The following BMP7 variants were observed in gnomAD, a reference collection of about 807,000 sequenced individuals.
BMP7 encodes bone morphogenetic protein 7, also known as osteogenic protein 1.
Under a neutral mutation model 41.2 loss-of-function variants are expected in BMP7, and 12 were observed. That is an observed-to-expected ratio of 0.29 (90% CI 0.19 to 0.47). The LOEUF is 0.47. Among genes scored for constraint, BMP7 ranks in the 20% least tolerant of loss-of-function variants. BMP7 has a pLI of 0.99. For missense variants in BMP7, 467 were observed against 606.0 expected, an observed-to-expected ratio of 0.77 and a Z score of 2.41; for synonymous variants, 248 against 250.0, an observed-to-expected ratio of 0.99 and a Z score of 0.07.
chr20:57,182,365 G>T (rs1256494542), intron 4 of BMP7, among the ~76,000 whole-genome samples: 3 of 152,208 alleles, frequency 2.0e-5, no homozygotes, highest in African/African-American at 7.2e-5. Flanking sequence ...GGCCACCAGA[G>T]GCTGTCAATG....
chr20:57,256,381 A>G (rs1007541853), intron 1 of BMP7, among the ~76,000 whole-genome samples: 2 of 152,186 alleles, frequency 1.3e-5, no homozygotes, highest in Non-Finnish European at 2.9e-5. Context: ...CACTTCAATC[A>G]TGATAGCGTG....
At chr20:57,233,783 G>A (rs1426971483) in intron 1 of BMP7, among the ~76,000 whole-genome samples, 5 of 152,316 alleles carry the variant, frequency 3.3e-5, no homozygotes, top group African/African-American at 1.2e-4. Context: ...GACTTGCAAA[G>A]GGCAGCTGGT....
At chr20:57,185,275 G>T (rs1442384625) in intron 3 of BMP7, among the ~76,000 whole-genome samples, 2 of 152,248 alleles carry the variant, frequency 1.3e-5, no homozygotes, top group African/African-American at 4.8e-5. Flanking sequence ...TAGATTCACA[G>T]GAAGTTGAAA....
chr20:57,253,804 A>C (rs2066123279), intron 1 of BMP7, among the ~76,000 whole-genome samples: 1 of 152,228 alleles, frequency 6.6e-6, no homozygotes, highest in African/African-American at 2.4e-5. Context: ...GCTAGTACAG[A>C]GAATACTTGA....
chr20:57,259,909 C>T lies in BMP7; in HGVS notation c.418+5796G>A, dbSNP rs375250609. On this transcript the variant is annotated intron_variant, in intron 1 of 6. Transcript: ENST00000395863. This position sits in a 1 kb window ranked among gnomAD's most constrained non-coding sequence, Gnocchi z 4.7. ...ACTATCTGTTCCATATTAAGAAATACCAAGTCACATTTTTTGTCAATTATT... is the reference window on the plus strand; with the variant it reads ...ACTATCTGTTCCATATTAAGAAATATCAAGTCACATTTTTTGTCAATTATT... 6.6e-6 allele frequency among the ~76,000 whole-genome samples: 1 copy of T among 152,170 alleles called. No individual in the cohort carries two copies. The highest frequency in any genetic ancestry group is 2.1e-4 in the South Asian group (1 of 4,810).
chr20:57,212,283 C>T (rs902822551), intron 2 of BMP7, among the ~76,000 whole-genome samples: 1 of 152,148 alleles, frequency 6.6e-6, no homozygotes, highest in Non-Finnish European at 1.5e-5. Flanking sequence ...AAAGCGTTCC[C>T]GGCAGAGAGA....
intron 1 of BMP7, among the ~76,000 whole-genome samples, chr20:57,253,000 A>G (rs1166178669): frequency 1.3e-5 from 2 of 152,186 alleles, no homozygotes; most frequent in African/African-American, 4.8e-5. Flanking sequence ...AAACATACCA[A>G]TAGTGCCCAG....
At chr20:57,220,870 AT>A (rs1408378473) in intron 2 of BMP7, among the ~76,000 whole-genome samples, 1 of 152,198 alleles carries the variant, frequency 6.6e-6, no homozygotes, top group Non-Finnish European at 1.5e-5. Flanking sequence ...ACATTGGAGC[AT>A]TTGGTAGGAC....
chr20:57,190,436 TGAGGCTGGAGAGCGTGAGTGAGGAGCC>T, intron 3 of BMP7, among the ~76,000 whole-genome samples: 1 of 110,438 alleles, frequency 9.1e-6, no homozygotes, highest in Non-Finnish European at 1.9e-5. Context: ...CCCGAGGGGG[TGAGGCTGGAGAGCGTGAGTGAGGAGCC>T]CGAGGGGGTG....
In BMP7 at chr20:57,170,557, G is replaced by C. The variant is rs529923338; in HGVS notation, c.*402C>G. On this transcript the variant is annotated 3_prime_UTR_variant, in exon 7 of 7. Coordinates refer to ENST00000395863, the MANE Select transcript of BMP7 (RefSeq NM_001719.3). ...GAACTTCCGGGTCAATTTTCCTTTC[G>C]CACAGACACCAATGTGCCCACCCCT... The C allele has an allele frequency of 3.6e-6, 1 of 278,936 alleles. No homozygotes were observed. Among genetic ancestry groups the C allele is most frequent in the Non-Finnish European group, 7.0e-6 (1 of 142,194 alleles). The allele number at this position is 278,936 out of a possible 1,614,324, so 17.3% of individuals were successfully genotyped here.
At chr20:57,199,639 G>A (rs919030291) in intron 3 of BMP7, among the ~76,000 whole-genome samples, 2 of 152,268 alleles carry the variant, frequency 1.3e-5, no homozygotes, top group Middle Eastern at 3.4e-3. Context: ...GATCCTCCAC[G>A]GTAGGGAAAA....
chr20:57,207,967 C>A (rs1984780670), intron 2 of BMP7, among the ~76,000 whole-genome samples: 1 of 151,622 alleles, frequency 6.6e-6, no homozygotes, highest in African/African-American at 2.4e-5. Flanking sequence ...GTAGCTGGGA[C>A]TACAGGCGCC....
At chr20:57,234,200 T>A (rs571265386) in intron 1 of BMP7, among the ~76,000 whole-genome samples, 3 of 152,280 alleles carry the variant, frequency 2.0e-5, no homozygotes, top group South Asian at 4.1e-4. Context: ...TTCTCCCCAG[T>A]TGAGGGATGG....
chr20:57,244,581 C>T (rs759123284), intron 1 of BMP7, among the ~76,000 whole-genome samples: 4 of 152,224 alleles, frequency 2.6e-5, no homozygotes, highest in Non-Finnish European at 4.4e-5. Flanking sequence ...TGACCCAGGA[C>T]AAGTTAACCC....
chr20:57,182,732 A>G (rs1984113670), intron 4 of BMP7, among the ~76,000 whole-genome samples: 1 of 152,276 alleles, frequency 6.6e-6, no homozygotes, highest in Admixed American at 6.5e-5. Context: ...ACCACACAAC[A>G]TGATGGGCTA....
At chr20:57,241,715 G>A (rs1019103526) in intron 1 of BMP7, among the ~76,000 whole-genome samples, 2 of 152,186 alleles carry the variant, frequency 1.3e-5, no homozygotes, top group Non-Finnish European at 2.9e-5. Flanking sequence ...CCATCCTCTT[G>A]TCATGAGCCC....
intron 1 of BMP7, among the ~76,000 whole-genome samples, chr20:57,260,949 C>A (rs2066151846): frequency 6.6e-6 from 1 of 152,182 alleles, no homozygotes; most frequent in African/African-American, 2.4e-5. Context: ...CACGGATGGG[C>A]AGATGGGGAA....
chr20:57,173,489 G>A (rs888121219), intron 5 of BMP7, 179 bp from the exon 6 acceptor site: 1 of 679,448 alleles, frequency 1.5e-6, no homozygotes. Flanking sequence ...GCCTCTCATG[G>A]TCCCAAAAGA....
At chr20:57,201,686 G>A (rs1307600755) in intron 3 of BMP7, among the ~76,000 whole-genome samples, 1 of 152,224 alleles carries the variant, frequency 6.6e-6, no homozygotes, top group East Asian at 1.9e-4. Flanking sequence ...ACTGGTGGAA[G>A]GAAGAAGCTA....
Sources: allele counts gnomAD v4.1 joint callset (sites outside exome capture counted in the v4.1 genomes callset), GRCh38; gene constraint gnomAD v4.1.1; non-coding constraint Gnocchi (gnomAD v3.1); transcripts MANE v1.5; gene names NCBI Gene and HGNC (gene_info 2026-07-23, HGNC 2026-07-21).